Variants in CSGALNACT1 observed in about 807,000 individuals in gnomAD.
CSGALNACT1 encodes chondroitin sulfate N-acetylgalactosaminyltransferase 1.
A neutral mutation model predicts 51.0 loss-of-function variants in CSGALNACT1; 52 were observed. That is an observed-to-expected ratio of 1.02 (90% CI 0.82 to 1.29). CSGALNACT1 has a LOEUF of 1.29. CSGALNACT1 is among the 50% of genes most tolerant of loss of function. The pLI is 0.00. For missense variants in CSGALNACT1, 935 were observed against 679.2 expected, an observed-to-expected ratio of 1.38 and a Z score of -4.19; for synonymous variants, 341 against 254.4, an observed-to-expected ratio of 1.34 and a Z score of -3.24.
chr8:19,462,819 T>G (rs1279749184), intron 4 of CSGALNACT1, among the ~76,000 whole-genome samples: 2 of 152,220 alleles, frequency 1.3e-5, no homozygotes. Context: ...TTTTCTTTTT[T>G]TTTTCAACTT....
intron 1 of CSGALNACT1, among the ~76,000 whole-genome samples, chr8:19,712,022 A>G (rs1341172806): frequency 6.6e-6 from 1 of 151,996 alleles, no homozygotes; most frequent in Non-Finnish European, 1.5e-5. Flanking sequence ...TAGAACTCAG[A>G]GCTCTTTTAT....
At chr8:19,704,719 T>A (rs999207436) in intron 1 of CSGALNACT1, among the ~76,000 whole-genome samples, 1 of 152,062 alleles carries the variant, frequency 6.6e-6, no homozygotes. Context: ...GATGGATGGA[T>A]GGAGAAAATG....
intron 1 of CSGALNACT1, among the ~76,000 whole-genome samples, chr8:19,679,233 G>A (rs536821098): frequency 7.9e-5 from 12 of 152,180 alleles, no homozygotes; most frequent in Non-Finnish European, 1.5e-4. Flanking sequence ...AACGTGGATC[G>A]CTTGAGCTCA....
intron 1 of CSGALNACT1, among the ~76,000 whole-genome samples, chr8:19,645,277 C>T (rs1236526913): frequency 3.9e-5 from 6 of 152,158 alleles, no homozygotes; most frequent in Admixed American, 1.3e-4. Context: ...CATGATGCAA[C>T]GGTATTAACA....
chr8:19,439,844 A>C, exon 6 of CSGALNACT1: 1 of 1,613,834 alleles, frequency 6.2e-7, no homozygotes, highest in Non-Finnish European at 8.5e-7. Context: ...AAGTGTTTTC[A>C]AGTATTCCTT....
chr8:19,448,123 G>T (rs2062456044), intron 5 of CSGALNACT1, among the ~76,000 whole-genome samples: 1 of 152,186 alleles, frequency 6.6e-6, no homozygotes, highest in Admixed American at 6.5e-5. Context: ...AGGATACCTA[G>T]AAAGACTGAG....
At chr8:19,429,013 G>T (rs1000773655) in intron 6 of CSGALNACT1, among the ~76,000 whole-genome samples, 9 of 152,054 alleles carry the variant, frequency 5.9e-5, no homozygotes, top group East Asian at 3.9e-4. Flanking sequence ...GTTACAAAAT[G>T]TTTTCATCAC....
intron 1 of CSGALNACT1, among the ~76,000 whole-genome samples, chr8:19,666,882 AAAGAG>A: frequency 8.8e-6 from 1 of 113,974 alleles, no homozygotes; most frequent in African/African-American, 4.0e-5. Context: ...AGAAAGAAAG[AAAGAG>A]AGAGAGGAAG....
At chr8:19,462,486 A>G (rs1444953954) in intron 4 of CSGALNACT1, among the ~76,000 whole-genome samples, 1 of 152,202 alleles carries the variant, frequency 6.6e-6, no homozygotes, top group African/African-American at 2.4e-5. Context: ...TTTATGAAGA[A>G]CCTAGAGAAT....
intron 5 of CSGALNACT1, among the ~76,000 whole-genome samples, chr8:19,450,872 T>C (rs576861496): frequency 3.3e-5 from 5 of 151,918 alleles, no homozygotes; most frequent in Admixed American, 2.0e-4. Flanking sequence ...ATGGCACCAC[T>C]GCACACCAGA....
chr8:19,743,667 T>C (rs1232953204), intron 1 of CSGALNACT1, among the ~76,000 whole-genome samples: 1 of 152,244 alleles, frequency 6.6e-6, no homozygotes, highest in East Asian at 1.9e-4. Context: ...AAAATGTAAC[T>C]ACTTATTGAT....
At chr8:19,710,069 CCTT>C (rs1301386779) in intron 1 of CSGALNACT1, among the ~76,000 whole-genome samples, 7 of 152,214 alleles carry the variant, frequency 4.6e-5, no homozygotes, top group Non-Finnish European at 5.9e-5. Context: ...AATTTTTCCT[CCTT>C]AAGAAATACT....
chr8:19,676,571 T>A (rs112909564), intron 1 of CSGALNACT1, among the ~76,000 whole-genome samples: 17 of 152,278 alleles, frequency 1.1e-4, no homozygotes, highest in African/African-American at 4.1e-4. Context: ...CCTCAGTAAC[T>A]TGTGGAATGA....
At chr8:19,544,707 C>T (rs1379619093) in intron 3 of CSGALNACT1, among the ~76,000 whole-genome samples, 5 of 152,118 alleles carry the variant, frequency 3.3e-5, no homozygotes, top group Non-Finnish European at 7.4e-5. Flanking sequence ...ATGCTAAATT[C>T]CAGGGGTGAA....
intron 6 of CSGALNACT1, among the ~76,000 whole-genome samples, chr8:19,436,985 A>G (rs1002699952): frequency 1.1e-4 from 17 of 152,164 alleles, no homozygotes; most frequent in Admixed American, 1.1e-3. Flanking sequence ...TGATGAAGAA[A>G]CCTTGAACAT....
intron 4 of CSGALNACT1, among the ~76,000 whole-genome samples, chr8:19,474,698 G>C (rs138254795): frequency 3.3e-5 from 5 of 151,650 alleles, no homozygotes; most frequent in African/African-American, 1.2e-4. Context: ...GCAAAACCCC[G>C]TCTTTACTAA....
intron 6 of CSGALNACT1, among the ~76,000 whole-genome samples, chr8:19,431,207 T>C (rs917885894): frequency 2.0e-5 from 3 of 152,132 alleles, no homozygotes; most frequent in East Asian, 1.9e-4. Context: ...CAGTACAATA[T>C]TGAATAGTGA....
At chr8:19,753,098 A>G (rs923757703) in intron 1 of CSGALNACT1, among the ~76,000 whole-genome samples, 3 of 152,170 alleles carry the variant, frequency 2.0e-5, no homozygotes, top group Admixed American at 6.5e-5. Flanking sequence ...GCGAAGATGA[A>G]GGAGAGGCAG....
At chr8:19,655,506 T>A (rs1221707591) in intron 1 of CSGALNACT1, among the ~76,000 whole-genome samples, 1 of 151,718 alleles carries the variant, frequency 6.6e-6, no homozygotes. Context: ...AACTAAGGCA[T>A]GTGCCACCAT....
Sources: gnomAD v4.1 joint callset for allele counts (sites outside exome capture counted in the v4.1 genomes callset) on GRCh38, gnomAD v4.1.1 for gene constraint, MANE v1.5 for transcripts, NCBI Gene and HGNC (gene_info 2026-07-23, HGNC 2026-07-21) for gene names.